The following PECAM1 variants were observed in gnomAD, a reference collection of about 807,000 sequenced individuals.
PECAM1 encodes the protein platelet endothelial cell adhesion molecule.
Under a neutral mutation model 13.8 loss-of-function variants are expected in PECAM1, and 8 were observed. The ratio of observed to expected loss-of-function variants is 0.58; its 90% CI spans 0.34 to 1.05. The LOEUF (loss-of-function observed/expected upper bound fraction) is 1.05, where lower values mean the gene tolerates loss of function less well. PECAM1 is among the 50% of genes least tolerant of loss of function. PECAM1 has a pLI of 0.03. For synonymous variants in PECAM1, 136 were observed against 52.6 expected (o/e 2.58, Z -6.86); for missense variants, 304 against 141.2 (o/e 2.15, Z -5.84).
At chr17:64,365,030 T>C (rs2143827693) in intron 5 of PECAM1, among the ~76,000 whole-genome samples, 1 of 152,150 alleles carries the variant, frequency 6.6e-6, no homozygotes, top group African/African-American at 2.4e-5. Flanking sequence ...GGAAGTCAAA[T>C]TGTCCCTGTT....
intron 15 of PECAM1, among the ~76,000 whole-genome samples, chr17:64,326,897 G>C (rs1432050285): frequency 6.6e-6 from 1 of 152,192 alleles, no homozygotes; most frequent in East Asian, 1.9e-4. Flanking sequence ...CACACCCTGG[G>C]ATCTCTAGTT....
At chr17:64,352,180 G>A (rs1441429035) in intron 11 of PECAM1, among the ~76,000 whole-genome samples, 1 of 152,110 alleles carries the variant, frequency 6.6e-6, no homozygotes, top group Non-Finnish European at 1.5e-5. Flanking sequence ...AGTTTGGAAG[G>A]TGGCAAAGTT....
At chr17:64,349,613 G>T (rs1177481733) in intron 12 of PECAM1, among the ~76,000 whole-genome samples, 1 of 64,640 alleles carries the variant, frequency 1.5e-5, no homozygotes, top group East Asian at 6.1e-4. Flanking sequence ...AGAGCCAGGC[G>T]CAGTGGCTCG....
Position 64,323,437 on chromosome 17 carries a change from A to G in PECAM1, c.*379T>C. 1 of 1,156,070 alleles carries G rather than the reference A, an allele frequency of 8.6e-7. No individual in the cohort carries two copies. Among genetic ancestry groups the G allele is most frequent in the Non-Finnish European group, 1.1e-6 (1 of 931,752 alleles). The allele number at this position is 1,156,070 out of a possible 1,614,324, so 71.6% of individuals were successfully genotyped here. On this transcript the variant is annotated 3_prime_UTR_variant, in exon 16 of 16. Coordinates refer to ENST00000563924, the MANE Select transcript of PECAM1 (RefSeq NM_000442.5). Reference sequence around the variant, plus strand: ...CATGCGCTAGAAATGATTGAGTATAAAAAAGAAAATTGGTTTCTGTGTATG... The same window carrying G: ...CATGCGCTAGAAATGATTGAGTATAGAAAAGAAAATTGGTTTCTGTGTATG...
intron 5 of PECAM1, among the ~76,000 whole-genome samples, chr17:64,367,287 C>T (rs2036130463): frequency 1.3e-5 from 2 of 152,070 alleles, no homozygotes; most frequent in Admixed American, 6.6e-5. Flanking sequence ...CGTGGTGGCT[C>T]ACACCTGTAA....
intron 14 of PECAM1, among the ~76,000 whole-genome samples, chr17:64,337,664 A>C (rs1014107231): frequency 6.6e-6 from 1 of 151,062 alleles, no homozygotes; most frequent in African/African-American, 2.4e-5. Flanking sequence ...AGTGGGTTCT[A>C]CGATGCCTAT....
chr17:64,342,443 G>T (rs2035457916), intron 13 of PECAM1, among the ~76,000 whole-genome samples: 1 of 152,198 alleles, frequency 6.6e-6, no homozygotes, highest in African/African-American at 2.4e-5. Flanking sequence ...CCGGGATCCA[G>T]AACGAGATCC....
At chr17:64,382,527 G>T (rs934262370) in intron 2 of PECAM1, among the ~76,000 whole-genome samples, 6 of 152,130 alleles carry the variant, frequency 3.9e-5, no homozygotes, top group Non-Finnish European at 8.8e-5. Flanking sequence ...CAGAAATAAA[G>T]TCGACTCTTT....
At chr17:64,367,132 C>T (rs2036126963) in intron 5 of PECAM1, among the ~76,000 whole-genome samples, 1 of 152,014 alleles carries the variant, frequency 6.6e-6, no homozygotes, top group African/African-American at 2.4e-5. Flanking sequence ...ATTGCAGGTT[C>T]TCTCTGTGGC....
intron 4 of PECAM1, among the ~76,000 whole-genome samples, chr17:64,372,487 G>A (rs1041838696): frequency 2.0e-5 from 3 of 151,932 alleles, no homozygotes; most frequent in South Asian, 2.1e-4. Context: ...TTTATTTTAC[G>A]ATAAGTTTTT....
At chr17:64,334,070 C>G (rs2035201231) in intron 14 of PECAM1, among the ~76,000 whole-genome samples, 1 of 151,220 alleles carries the variant, frequency 6.6e-6, no homozygotes, top group Admixed American at 6.6e-5. Flanking sequence ...CTGTGTCCAT[C>G]CCCTAACGTG....
At chr17:64,354,761 C>T (rs2035811702) in intron 9 of PECAM1, among the ~76,000 whole-genome samples, 172 bp downstream of exon 9, 1 of 152,208 alleles carries the variant, frequency 6.6e-6, no homozygotes, top group African/African-American at 2.4e-5. Flanking sequence ...CTTCTAACCA[C>T]ACAAAGATGC....
At chr17:64,344,672 C>T (rs1378734681) in intron 13 of PECAM1, among the ~76,000 whole-genome samples, 1 of 152,028 alleles carries the variant, frequency 6.6e-6, no homozygotes, top group Non-Finnish European at 1.5e-5. Context: ...GGCCTTGTAC[C>T]CACAAAGCCC....
At chr17:64,349,587 CA>C (rs72236584) in intron 12 of PECAM1, among the ~76,000 whole-genome samples, 1,342 of 64,150 alleles carry the variant, frequency 0.021, 83 homozygotes, top group African/African-American at 0.061. Context: ...GACTCTGTAT[CA>C]AAAAAAAAAA....
At chr17:64,328,117 C>T (rs1177946619) in intron 15 of PECAM1, among the ~76,000 whole-genome samples, 1 of 152,180 alleles carries the variant, frequency 6.6e-6, no homozygotes, top group Non-Finnish European at 1.5e-5. Context: ...ACTTTGAGGC[C>T]CAAGGGCCAG....
At chr17:64,381,917 A>C (rs980018222) in intron 2 of PECAM1, among the ~76,000 whole-genome samples, 15 of 152,202 alleles carry the variant, frequency 9.9e-5, no homozygotes, top group Middle Eastern at 3.4e-3. Context: ...CCTGGCCAAC[A>C]TGGTGAAACC....
At chr17:64,330,404 AG>A (rs149384130) in intron 14 of PECAM1, among the ~76,000 whole-genome samples, 2,690 of 151,962 alleles carry the variant, frequency 0.018, 65 homozygotes, top group South Asian at 0.096. Flanking sequence ...ACAGTTGGAG[AG>A]GCTGAGGCAG....
At chr17:64,331,464 G>A (rs2035116417) in intron 14 of PECAM1, among the ~76,000 whole-genome samples, 1 of 152,190 alleles carries the variant, frequency 6.6e-6, no homozygotes, top group Non-Finnish European at 1.5e-5. Context: ...GGGATTACAG[G>A]CATGAGCCAC....
intron 15 of PECAM1, among the ~76,000 whole-genome samples, chr17:64,327,719 G>T (rs2034995834): frequency 1.3e-5 from 2 of 152,170 alleles, no homozygotes; most frequent in Non-Finnish European, 1.5e-5. Context: ...GAGGAAAAAT[G>T]AAGTCAGAAT....
Sources: allele counts gnomAD v4.1 joint callset (sites outside exome capture counted in the v4.1 genomes callset), GRCh38; gene constraint gnomAD v4.1.1; transcripts MANE v1.5; gene names NCBI Gene and HGNC (gene_info 2026-07-23, HGNC 2026-07-21).